WRN: variants seen among roughly 807,000 people sequenced by gnomAD.
WRN encodes bifunctional 3'-5' exonuclease/ATP-dependent helicase WRN.
Under a neutral mutation model 180.7 loss-of-function variants are expected in WRN, and 149 were observed. The ratio of observed to expected loss-of-function variants is 0.82; its 90% CI spans 0.72 to 0.94. The LOEUF is 0.94. WRN is among the 40% of genes least tolerant of loss of function. WRN has a pLI of 0.00. For missense variants in WRN, 1,661 were observed against 1,700.1 expected (o/e 0.98, Z 0.40); for synonymous variants, 548 against 568.9 (o/e 0.96, Z 0.52).
chr8:31,167,063 A>C lies in WRN; in HGVS notation c.4024A>C (p.Asn1342His), dbSNP rs773178758. 6.2e-7 allele frequency: 1 copy of C among 1,613,296 alleles called. No individual in the cohort carries two copies. Among genetic ancestry groups the C allele is most frequent in the Non-Finnish European group, 8.5e-7 (1 of 1,179,446 alleles). ...ISLIRMLVPE[N>H]IDTYLIHMAI... ...CCTAATCAGAATGTTAGTTCCTGAA[A>C]ACATTGACACGTACCTTATCCACAT... The change falls in exon 34 of 35, where the codon AAC (asparagine) becomes CAC (histidine). Residue 1342 changes from asparagine (N) to histidine (H), a missense_variant. By Grantham distance (68) the Asn-to-His change is moderately conservative. Coordinates refer to ENST00000298139, the MANE Select transcript of WRN (RefSeq NM_000553.6).
chr8:31,038,009 T>G (rs1419066861), intron 1 of WRN, among the ~76,000 whole-genome samples: 3 of 152,212 alleles, frequency 2.0e-5, no homozygotes, highest in African/African-American at 7.2e-5. Context: ...GATGGACACT[T>G]AGGTTGTTTC....
chr8:31,120,012 CTTTA>C (rs959011546), intron 20 of WRN: 2 of 517,526 alleles, frequency 3.9e-6, no homozygotes, highest in Non-Finnish European at 7.0e-6. Flanking sequence ...AGATAGACCA[CTTTA>C]TTTACTATTT....
Position 31,081,086 on chromosome 8 carries a change from T to C in WRN, c.1059T>C (p.His353=). 6.2e-7 allele frequency: 1 copy of C among 1,614,012 alleles called. No individual in the cohort carries two copies. Among genetic ancestry groups the C allele is most frequent in the East Asian group, 2.2e-5 (1 of 44,836 alleles). ...EDETWDPTLD[H]LAKHDGEDVL... is the part of the protein sequence containing the mutation. ...AAACATGGGACCCAACACTTGATCA[T>C]TTAGCTAAACATGATGGAGAAGATG... The change falls in exon 9 of 35, where the codon CAT becomes CAC. Residue 353 remains histidine (H), a synonymous_variant. Transcript: ENST00000298139.
chr8:31,174,822 TCCC>T lies in WRN; in HGVS notation c.*1721_*1723del, dbSNP rs1196891501. On this transcript the variant is annotated 3_prime_UTR_variant, in exon 35 of 35. Transcript: ENST00000298139. ...CTTCCTTCCTTCCTTCCTTCCTTCC[TCCC>T]TCCCTCCCTCCCTCCCTCCCTCCCT... is the stretch of plus-strand genomic sequence containing the variant. Among the ~76,000 whole-genome samples, 480 of 54,104 alleles carry T rather than the reference TCCC, an allele frequency of 8.9e-3. 7 individuals carry two copies. In the East Asian group the frequency reaches 0.17, roughly 20 times the overall value. 35.5% of individuals were successfully genotyped at this position (54,104 alleles called of 152,430 possible).
intron 31 of WRN, among the ~76,000 whole-genome samples, chr8:31,150,901 T>G (rs1803098511): frequency 6.6e-6 from 1 of 152,200 alleles, no homozygotes; most frequent in Non-Finnish European, 1.5e-5. Flanking sequence ...GGATTTCATA[T>G]TATTCTCTTC....
chr8:31,113,832 C>T (rs888144604), intron 19 of WRN, among the ~76,000 whole-genome samples: 6 of 152,098 alleles, frequency 3.9e-5, no homozygotes, highest in African/African-American at 1.2e-4. Flanking sequence ...ACAGATACCC[C>T]TCTCCCCAGT....
intron 10 of WRN, among the ~76,000 whole-genome samples, chr8:31,084,189 G>C (rs1813433389): frequency 6.6e-6 from 1 of 152,066 alleles, no homozygotes; most frequent in East Asian, 1.9e-4. Context: ...AGTAGAGACA[G>C]GGTCTCACCA....
chr8:31,107,028 T>C (rs1393038113), intron 18 of WRN, among the ~76,000 whole-genome samples: 1 of 152,306 alleles, frequency 6.6e-6, no homozygotes, highest in Non-Finnish European at 1.5e-5. Flanking sequence ...AGCAAATGAT[T>C]TGAAAGAGGC....
At chr8:31,092,034 CTG>C (rs1165356999) in intron 16 of WRN, 136 bp downstream of exon 16, 5 of 800,386 alleles carry the variant, frequency 6.2e-6, no homozygotes, top group Non-Finnish European at 1.0e-5. Context: ...GGTCAGATGT[CTG>C]TGGTATATGA....
Position 31,132,478 on chromosome 8 carries a change from G to A in WRN, c.2939G>A (p.Gly980Glu), listed in dbSNP as rs2130377524. 6.2e-7 allele frequency: 1 copy of A among 1,613,934 alleles called. No homozygotes were observed. Among genetic ancestry groups the A allele is most frequent in the Middle Eastern group, 1.7e-4 (1 of 6,060 alleles). Residue 980 changes from glycine to glutamate, a missense_variant, in exon 24 of 35, where the codon GGG becomes GAG. Physicochemically the swap from Gly to Glu is moderately conservative, Grantham distance 98. Coordinates refer to ENST00000298139, the MANE Select transcript of WRN (RefSeq NM_000553.6). ...ATCTTAGGCGAAAAATTTGGAATTG[G>A]GCTTCCAATTTTATTTCTCCGAGGA... ...VDILGEKFGI[G>E]LPILFLRGSN...
chr8:31,118,131 G>T, intron 20 of WRN, among the ~76,000 whole-genome samples: 1 of 152,112 alleles, frequency 6.6e-6, no homozygotes, highest in Non-Finnish European at 1.5e-5. Context: ...TGTTGGATGC[G>T]CCTGATTTTC....
chr8:31,086,438 G>T (rs567651576), intron 11 of WRN, among the ~76,000 whole-genome samples: 1 of 152,166 alleles, frequency 6.6e-6, no homozygotes, highest in Admixed American at 6.5e-5. Context: ...GCTGGGTGTG[G>T]TGGCATGTGC....
At chr8:31,155,337 C>T (rs781751296) in intron 32 of WRN, among the ~76,000 whole-genome samples, 5 of 152,050 alleles carry the variant, frequency 3.3e-5, no homozygotes, top group East Asian at 1.9e-4. Flanking sequence ...AATGACCATA[C>T]GTAGGCCGGG....
At chr8:31,072,514 AAC>A (rs2130076747) in intron 7 of WRN, among the ~76,000 whole-genome samples, 1 of 152,210 alleles carries the variant, frequency 6.6e-6, no homozygotes, top group Non-Finnish European at 1.5e-5. Flanking sequence ...GGAATGTGGG[AAC>A]AGAGACAGGG....
intron 9 of WRN, among the ~76,000 whole-genome samples, chr8:31,083,339 T>C (rs1813394749): frequency 1.3e-5 from 2 of 152,232 alleles, no homozygotes; most frequent in African/African-American, 4.8e-5. Flanking sequence ...GTACGGCATT[T>C]TTCAACATTG....
intron 3 of WRN, 78 bp from the exon 4 acceptor site, chr8:31,064,184 CTTGAACAGTCTGTGGTTGCCTTTTAAT>C: frequency 7.7e-7 from 1 of 1,302,708 alleles, no homozygotes; most frequent in Non-Finnish European, 1.1e-6. Flanking sequence ...CTCCAGATAA[CTTGAACAGTCTGTGGTTGCCTTTTAAT>C]TTTTGAATTA....
chr8:31,035,328 T>G (rs1415782231), intron 1 of WRN, among the ~76,000 whole-genome samples: 1 of 152,044 alleles, frequency 6.6e-6, no homozygotes, highest in Non-Finnish European at 1.5e-5. Context: ...TTACAATAAG[T>G]GGTCAGGGAC....
chr8:31,148,725 G>C (rs1323078080), intron 30 of WRN, among the ~76,000 whole-genome samples: 1 of 152,138 alleles, frequency 6.6e-6, no homozygotes, highest in Non-Finnish European at 1.5e-5. Flanking sequence ...TGAATTCATA[G>C]AGGACTTTCA....
intron 1 of WRN, among the ~76,000 whole-genome samples, chr8:31,044,121 A>G (rs113294590): frequency 0.018 from 2,775 of 151,658 alleles, 68 homozygotes; most frequent in African/African-American, 0.064. Flanking sequence ...GGCTCACTGC[A>G]AGCTCCGCCT....
Sources: gnomAD v4.1 joint callset for allele counts (sites outside exome capture counted in the v4.1 genomes callset) on GRCh38, gnomAD v4.1.1 for gene constraint, MANE v1.5 for transcripts, NCBI Gene and HGNC (gene_info 2026-07-23, HGNC 2026-07-21) for gene names.